Variants in LARP4 observed in about 807,000 individuals in gnomAD.
LARP4 encodes the protein La ribonucleoprotein 4.
Under a neutral mutation model 92.9 loss-of-function variants are expected in LARP4, and 29 were observed. The ratio of observed to expected loss-of-function variants is 0.31; its 90% CI spans 0.23 to 0.43. The LOEUF is 0.43. Ranked by LOEUF, LARP4 falls within the 20% of genes least tolerant of loss-of-function variation. The pLI, the probability that LARP4 is intolerant of heterozygous loss-of-function variation, is 1.00. For missense variants in LARP4, 732 were observed against 860.0 expected, an observed-to-expected ratio of 0.85 and a Z score of 1.86; for synonymous variants, 279 against 284.1, an observed-to-expected ratio of 0.98 and a Z score of 0.18.
At chr12:50,462,689 T>A in intron 12 of LARP4, 59 bp downstream of exon 12, 1 of 1,113,740 alleles carries the variant, frequency 9.0e-7, no homozygotes, top group Non-Finnish European at 1.3e-6. Context: ...ACTATGGCAT[T>A]GACTTTCGGT....
chr12:50,436,072 TGTGTGTGTGTGTGTGTGTGTATCCCGCTG>T (rs1306779728), intron 5 of LARP4, among the ~76,000 whole-genome samples: 24 of 135,208 alleles, frequency 1.8e-4, no homozygotes, highest in African/African-American at 6.4e-4. Flanking sequence ...TGTGTGTGTG[TGTGTGTGTGTGTGTGTGTGTATCCCGCTG>T]GTGTGTGTGT....
At chr12:50,462,544 T>TCC in intron 11 of LARP4, 38 bp from the exon 12 acceptor site, 3 of 774,060 alleles carry the variant, frequency 3.9e-6, no homozygotes, top group East Asian at 2.8e-5. Context: ...GACTTGTCCC[T>TCC]CCACCCCACC....
chr12:50,462,427 G>A (rs1434944691), intron 11 of LARP4, among the ~76,000 whole-genome samples, 155 bp from the exon 12 acceptor site: 1 of 150,050 alleles, frequency 6.7e-6, no homozygotes. Context: ...GTAGTGAGCC[G>A]AGATCGCGCC....
At chr12:50,462,558 C>G in intron 11 of LARP4, 24 bp from the exon 12 acceptor site, 1 of 1,350,468 alleles carries the variant, frequency 7.4e-7, no homozygotes. Flanking sequence ...CCCCACCCCA[C>G]CCCCACCTTT....
intron 8 of LARP4, among the ~76,000 whole-genome samples, chr12:50,448,725 A>G (rs1046299383): frequency 4.6e-5 from 7 of 151,804 alleles, no homozygotes; most frequent in African/African-American, 1.5e-4. Flanking sequence ...GGGTTTCACC[A>G]TGTTGGCCAG....
intron 13 of LARP4, among the ~76,000 whole-genome samples, chr12:50,472,597 C>A (rs1260461389): frequency 6.6e-6 from 1 of 151,748 alleles, no homozygotes; most frequent in East Asian, 1.9e-4. Context: ...TGGTTCACTG[C>A]AGCAGCTTCA....
intron 13 of LARP4, among the ~76,000 whole-genome samples, chr12:50,468,635 A>T (rs1481145797): frequency 6.6e-6 from 1 of 151,892 alleles, no homozygotes; most frequent in Non-Finnish European, 1.5e-5. Context: ...TGGCTTTTCC[A>T]TTTTCAGCAG....
At chr12:50,458,632 GAT>G (rs1954778026) in intron 10 of LARP4, among the ~76,000 whole-genome samples, 1 of 152,288 alleles carries the variant, frequency 6.6e-6, no homozygotes, top group Non-Finnish European at 1.5e-5. Context: ...CAAAAACTGA[GAT>G]ATATAAACTG....
At chr12:50,429,471 A>G (rs1487658893) in intron 3 of LARP4, among the ~76,000 whole-genome samples, 1 of 152,070 alleles carries the variant, frequency 6.6e-6, no homozygotes, top group Non-Finnish European at 1.5e-5. Context: ...TTAGCTGGGC[A>G]TGGTGGCATG....
At chr12:50,457,656 A>G (rs1014235613) in intron 10 of LARP4, among the ~76,000 whole-genome samples, 3 of 152,018 alleles carry the variant, frequency 2.0e-5, no homozygotes, top group Non-Finnish European at 2.9e-5. Flanking sequence ...TCTACTGACA[A>G]TATAAAAATT....
chr12:50,428,358 A>G (rs969473771), intron 2 of LARP4, among the ~76,000 whole-genome samples: 2 of 152,126 alleles, frequency 1.3e-5, no homozygotes, highest in African/African-American at 2.4e-5. Context: ...TTGATTAAGT[A>G]TATTTATCAA....
intron 10 of LARP4, among the ~76,000 whole-genome samples, chr12:50,455,388 A>G (rs1004255565): frequency 1.3e-5 from 2 of 152,222 alleles, no homozygotes; most frequent in African/African-American, 4.8e-5. Context: ...TAACCAAAGA[A>G]TAAAGGACTG....
In LARP4 at chr12:50,446,680, G is replaced by GC. The variant is rs141026337; in HGVS notation, c.804+5043dup. Among the ~76,000 whole-genome samples, 829 of 151,226 alleles carry GC rather than the reference G, an allele frequency of 5.5e-3. 13 individuals are homozygous for GC. The highest frequency in any genetic ancestry group is 0.019 in the African/African-American group (784 of 41,034). ...CTGACCTTGTGATCCGCCCGCCTCA[G>GC]CCCCCCAAAGTACTGGGATTGGAGG... On this transcript the variant is annotated intron_variant, in intron 8 of 15. Coordinates refer to ENST00000398473, the MANE Select transcript of LARP4 (RefSeq NM_052879.5).
At chr12:50,473,616 A>G in intron 14 of LARP4, 80 bp downstream of exon 14, 1 of 1,486,132 alleles carries the variant, frequency 6.7e-7, no homozygotes, top group Non-Finnish European at 9.2e-7. Flanking sequence ...CTGTAATCCC[A>G]GCACTTTGGG....
At chr12:50,425,527 A>G (rs527494477) in intron 1 of LARP4, among the ~76,000 whole-genome samples, 3 of 152,336 alleles carry the variant, frequency 2.0e-5, no homozygotes, top group East Asian at 1.9e-4. Flanking sequence ...TGGCTATCAC[A>G]AGCTACTCAG....
chr12:50,448,294 A>G (rs936377543), intron 8 of LARP4, among the ~76,000 whole-genome samples: 36 of 152,054 alleles, frequency 2.4e-4, no homozygotes, highest in African/African-American at 8.0e-4. Flanking sequence ...AGTGCTATTA[A>G]ATACATTCAC....
At chr12:50,433,332 T>C (rs1019223301) in intron 4 of LARP4, among the ~76,000 whole-genome samples, 2 of 149,624 alleles carry the variant, frequency 1.3e-5, no homozygotes, top group Non-Finnish European at 3.0e-5. Context: ...TGGAAGCTCC[T>C]ACTTGTCATG....
intron 10 of LARP4, among the ~76,000 whole-genome samples, chr12:50,457,752 T>C (rs959755888): frequency 6.7e-6 from 1 of 150,050 alleles, no homozygotes; most frequent in African/African-American, 2.4e-5. Flanking sequence ...AGGCAGAGGT[T>C]GTAATGAGCT....
In LARP4 at chr12:50,400,893, C is replaced by G. The variant is rs2136134381; in HGVS notation, c.-118C>G. 6.5e-6 allele frequency: 9 copies of G among 1,393,068 alleles called. No homozygotes were observed. The Admixed American group carries it at 8.4e-5, about 13-fold the overall frequency. The allele number at this position is 1,393,068 out of a possible 1,614,324, so 86.3% of individuals were successfully genotyped here. On this transcript the variant is annotated 5_prime_UTR_variant, in exon 1 of 16. Transcript: ENST00000398473. Reference sequence around the variant, plus strand: ...GCTGACGGCAGGGGAGGAGCCGGGTCCACTGCCGGGTGGAGGGGCAAGGCG... The same window carrying G: ...GCTGACGGCAGGGGAGGAGCCGGGTGCACTGCCGGGTGGAGGGGCAAGGCG...
Sources: allele counts gnomAD v4.1 joint callset (sites outside exome capture counted in the v4.1 genomes callset), GRCh38; gene constraint gnomAD v4.1.1; transcripts MANE v1.5; gene names NCBI Gene and HGNC (gene_info 2026-07-23, HGNC 2026-07-21).